Variants in PTPRU observed in about 807,000 individuals in gnomAD.
PTPRU encodes protein tyrosine phosphatase receptor type U, also known as receptor-type tyrosine-protein phosphatase U.
Under a neutral mutation model 166.3 loss-of-function variants are expected in PTPRU, and 69 were observed. That is an observed-to-expected ratio of 0.41 (90% CI 0.34 to 0.51). The LOEUF is 0.51. Among genes scored for constraint, PTPRU ranks in the 20% least tolerant of loss-of-function variants. The pLI, the probability that PTPRU is intolerant of heterozygous loss-of-function variation, is 0.09. For missense variants in PTPRU, 1,657 were observed against 2,013.7 expected, an observed-to-expected ratio of 0.82 and a Z score of 3.39; for synonymous variants, 793 against 814.0, an observed-to-expected ratio of 0.97 and a Z score of 0.44.
chr1:29,257,501 C>T lies in PTPRU; in HGVS notation c.206-1004C>T, dbSNP rs1483416341. On this transcript the variant is annotated intron_variant, in intron 2 of 29. Coordinates refer to ENST00000373779, the MANE Select transcript of PTPRU (RefSeq NM_133178.4). The surrounding 1 kb of genome is among the most constrained non-coding windows in gnomAD (Gnocchi z 4.6). ...GGTTTCGGGTGCCCTTTGGGAAGCC[C>T]AAATCCCCCCGCCAGGTCCTGAGCC... Among the ~76,000 whole-genome samples the T allele has an allele frequency of 6.6e-6, 1 of 152,120 alleles. No individual in the cohort carries two copies. Among genetic ancestry groups the T allele is most frequent in the African/African-American group, 2.4e-5 (1 of 41,412 alleles).
At chr1:29,310,205 G>A (rs1687583338) in intron 18 of PTPRU, among the ~76,000 whole-genome samples, 1 of 152,154 alleles carries the variant, frequency 6.6e-6, no homozygotes, top group Non-Finnish European at 1.5e-5. Context: ...TAATGTCTGT[G>A]CCCATATACT....
At position 29,260,816 on chromosome 1, in the gene PTPRU, T is replaced by C; in HGVS notation, c.1057T>C (p.Tyr353His). 1 of 1,612,162 alleles carries C rather than the reference T, an allele frequency of 6.2e-7. No homozygotes were observed. Among genetic ancestry groups the C allele is most frequent in the East Asian group, 2.2e-5 (1 of 44,686 alleles). The stretch of plus-strand genomic sequence containing the variant: ...GTGGCACCTCGACCCCGACACAGAG[T>C]ATGAGATCAGCGTGCTGCTCACGCG... ...KLWHLDPDTE[Y>H]EISVLLTRPG... is the part of the protein sequence containing the mutation. Residue 353 changes from tyrosine to histidine, a missense_variant, in exon 7 of 30, where the codon TAT (tyrosine) becomes CAT (histidine). Physicochemically the swap from Tyr to His is moderately conservative, Grantham distance 83. Transcript: ENST00000373779. The surrounding 1 kb of genome is among the most constrained non-coding windows in gnomAD (Gnocchi z 8.3).
chr1:29,260,513 G>A lies in PTPRU; in HGVS notation c.851-97G>A, dbSNP rs1685007129. 1 of 942,478 alleles carries A rather than the reference G, an allele frequency of 1.1e-6. No individual in the cohort carries two copies. The highest frequency in any genetic ancestry group is 3.1e-5 in the East Asian group (1 of 32,440). The allele number at this position is 942,478 out of a possible 1,614,324, so 58.4% of individuals were successfully genotyped here. A position where few individuals can be genotyped will look rare whatever the true frequency, so the allele number is the denominator to read the frequency against. ...GGTAGCAGCGTGAGAGGCCCTAGGA[G>A]GACGGAGAGGGATTTGGGTGTGGTG... On this transcript the variant is annotated intron_variant, in intron 6 of 29. Coordinates refer to ENST00000373779, the MANE Select transcript of PTPRU (RefSeq NM_133178.4). The surrounding 1 kb of genome is among the most constrained non-coding windows in gnomAD (Gnocchi z 8.3).
At chr1:29,264,879 T>TGCCAA (rs1452620412) in intron 7 of PTPRU, among the ~76,000 whole-genome samples, 6 of 152,338 alleles carry the variant, frequency 3.9e-5, no homozygotes, top group South Asian at 4.1e-4. Flanking sequence ...CTGGAATTGG[T>TGCCAA]TTCTTTCATT....
Position 29,280,179 on chromosome 1 carries a change from C to T in PTPRU, c.1868+38C>T, listed in dbSNP as rs1574654902. The T allele has an allele frequency of 6.4e-7, 1 of 1,557,026 alleles. No homozygotes were observed. The highest frequency in any genetic ancestry group is 2.2e-5 in the East Asian group (1 of 44,616). On this transcript the variant is annotated intron_variant, in intron 11 of 29. Coordinates refer to ENST00000373779, the MANE Select transcript of PTPRU (RefSeq NM_133178.4). The surrounding 1 kb of genome is among the most constrained non-coding windows in gnomAD (Gnocchi z 4.2). ...GGACGGAGGGGTGGGAGTCCAGGGCCTTAGGAAAGAGGCCCCTCCTCTGAC... is the reference window on the plus strand; with the variant it reads ...GGACGGAGGGGTGGGAGTCCAGGGCTTTAGGAAAGAGGCCCCTCCTCTGAC...
chr1:29,281,412 T>A (rs1017546273), intron 11 of PTPRU, among the ~76,000 whole-genome samples: 1 of 152,040 alleles, frequency 6.6e-6, no homozygotes. Context: ...TCTTGAGGGA[T>A]CCTGTGAGCA....
chr1:29,306,133 G>A (rs1286782514), intron 18 of PTPRU, among the ~76,000 whole-genome samples: 1 of 152,206 alleles, frequency 6.6e-6, no homozygotes, highest in African/African-American at 2.4e-5. Context: ...GCTGCTGTGA[G>A]GCTGTCCTGC....
chr1:29,273,790 C>T (rs1210488454), intron 7 of PTPRU, among the ~76,000 whole-genome samples: 4 of 152,106 alleles, frequency 2.6e-5, no homozygotes, highest in Non-Finnish European at 5.9e-5. Flanking sequence ...CTCCCTTCTG[C>T]TGGGGTAGCT....
Position 29,320,949 on chromosome 1 carries a change from T to G in PTPRU, c.3828+124T>G. The G allele has an allele frequency of 9.1e-7, 1 of 1,102,734 alleles. No homozygotes were observed. Among genetic ancestry groups the G allele is most frequent in the Non-Finnish European group, 1.2e-6 (1 of 819,400 alleles). The allele number at this position is 1,102,734 out of a possible 1,614,324, so 68.3% of individuals were successfully genotyped here. ...TGCCATCTATTTATTGTGTGATGAA[T>G]CATACACCTTCCCAGAGCCTCAGTT... is the stretch of plus-strand genomic sequence containing the variant. On this transcript the variant is annotated intron_variant, in intron 26 of 29. Coordinates refer to ENST00000373779, the MANE Select transcript of PTPRU (RefSeq NM_133178.4). This position sits in a 1 kb window ranked among gnomAD's most constrained non-coding sequence, Gnocchi z 5.2.
intron 1 of PTPRU, among the ~76,000 whole-genome samples, chr1:29,248,464 A>G (rs1432107195): frequency 1.3e-5 from 2 of 152,126 alleles, no homozygotes; most frequent in Non-Finnish European, 2.9e-5. Context: ...ACAACTGGGC[A>G]TGTACCTGGG....
chr1:29,318,683 A>T (rs1688008714), intron 25 of PTPRU, among the ~76,000 whole-genome samples: 1 of 152,176 alleles, frequency 6.6e-6, no homozygotes, highest in Non-Finnish European at 1.5e-5. Flanking sequence ...CCCCTCCCCG[A>T]TATAGCCGTG....
intron 15 of PTPRU, among the ~76,000 whole-genome samples, chr1:29,297,607 G>T (rs138663136): frequency 6.6e-6 from 1 of 152,338 alleles, no homozygotes; most frequent in Non-Finnish European, 1.5e-5. Flanking sequence ...GTGGTGATAG[G>T]CATGGGAGGA....
At position 29,241,775 on chromosome 1, in the gene PTPRU, A is replaced by G. The variant is rs571923691; in HGVS notation, c.73+5058A>G. Among the ~76,000 whole-genome samples, 14 of 150,104 alleles carry G rather than the reference A, an allele frequency of 9.3e-5. No homozygotes were observed. In the South Asian group the frequency reaches 2.3e-3, roughly 25 times the overall value. ...ATGCCTGGCTAATTTTTGTATTTTTAGTAGAGACTGGGTTTCGTCATGTTG... is the reference window on the plus strand; with the variant it reads ...ATGCCTGGCTAATTTTTGTATTTTTGGTAGAGACTGGGTTTCGTCATGTTG... On this transcript the variant is annotated intron_variant, in intron 1 of 29. Coordinates refer to ENST00000373779, the MANE Select transcript of PTPRU (RefSeq NM_133178.4).
At position 29,283,770 on chromosome 1, in the gene PTPRU, C is replaced by T. The variant is rs1209818877; in HGVS notation, c.2143-170C>T. Reference sequence around the variant, plus strand: ...GCACTGCAGGTGCCTCCCCTCTAGGCCCCGCTCTCAAGGGTCCCCCCAGGC... The same window carrying T: ...GCACTGCAGGTGCCTCCCCTCTAGGTCCCGCTCTCAAGGGTCCCCCCAGGC... On this transcript the variant is annotated intron_variant, in intron 12 of 29. Coordinates refer to ENST00000373779, the MANE Select transcript of PTPRU (RefSeq NM_133178.4). 5.5e-6 allele frequency: 4 copies of T among 733,726 alleles called. No individual in the cohort carries two copies. In the African/African-American group the frequency reaches 7.0e-5, roughly 13 times the overall value. The allele number at this position is 733,726 out of a possible 1,614,324, so 45.5% of individuals were successfully genotyped here.
In PTPRU at chr1:29,311,788, A is replaced by AG. The variant is rs141307844; in HGVS notation, c.3072+30dup. On this transcript the variant is annotated intron_variant, in intron 21 of 29. Coordinates refer to ENST00000373779, the MANE Select transcript of PTPRU (RefSeq NM_133178.4). This position sits in a 1 kb window ranked among gnomAD's most constrained non-coding sequence, Gnocchi z 4.1. ...AGTCTCCCCACCGCCTGTTCCCTGC[A>AG]GAGGGTGCCTGAGCAGGGATTAGAG... The AG allele has an allele frequency of 1.2e-3, 1,906 of 1,594,464 alleles. 25 individuals carry two copies. In the African/African-American group the frequency reaches 0.021, roughly 18 times the overall value.
At chr1:29,249,163 C>CAT (rs68173010) in intron 1 of PTPRU, among the ~76,000 whole-genome samples, 1 of 151,622 alleles carries the variant, frequency 6.6e-6, no homozygotes, top group Non-Finnish European at 1.5e-5. Flanking sequence ...CGTGTGCACA[C>CAT]ACACACACGC....
chr1:29,325,185 A>T lies in PTPRU; in HGVS notation c.4113-6A>T, dbSNP rs1238272967. The T allele has an allele frequency of 6.2e-6, 10 of 1,613,744 alleles. No homozygotes were observed. The highest frequency in any genetic ancestry group is 7.6e-6 in the Non-Finnish European group (9 of 1,179,972). On this transcript the variant is annotated splice_polypyrimidine_tract_variant and splice_region_variant and intron_variant, in intron 28 of 29. Coordinates refer to ENST00000373779, the MANE Select transcript of PTPRU (RefSeq NM_133178.4). ...CCGCCCCTCAGCTTTTGCATCTCTCATTCAGAAACGGGGGAGGACGCAGCG... is the reference window on the plus strand; with the variant it reads ...CCGCCCCTCAGCTTTTGCATCTCTCTTTCAGAAACGGGGGAGGACGCAGCG...
rs1319164970 is a variant in PTPRU, at chr1:29,280,305, A to G, written c.1868+164A>G. ...GATTGTTCTGTGATGCTTGGCAGGC[A>G]AGAAGCCTGCAGTCCCTCCCCTCTG... On this transcript the variant is annotated intron_variant, in intron 11 of 29. Coordinates refer to ENST00000373779, the MANE Select transcript of PTPRU (RefSeq NM_133178.4). The surrounding 1 kb of genome is among the most constrained non-coding windows in gnomAD (Gnocchi z 4.2). Among the ~76,000 whole-genome samples, 2 of 152,192 alleles carry G rather than the reference A, an allele frequency of 1.3e-5. No homozygotes were observed. The highest frequency in any genetic ancestry group is 2.9e-5 in the Non-Finnish European group (2 of 68,012).
Position 29,269,239 on chromosome 1 carries a change from TATATA to T in PTPRU, c.1145-6208_1145-6204del, listed in dbSNP as rs1171933797. Among the ~76,000 whole-genome samples, 165 of 48,682 alleles carry T rather than the reference TATATA, an allele frequency of 3.4e-3. 1 individual carries two copies. The highest frequency in any genetic ancestry group is 4.3e-3 in the Admixed American group (14 of 3,264). 31.9% of individuals were successfully genotyped at this position (48,682 alleles called of 152,430 possible). ...ATATACATATATATATATATATATA[TATATA>T]TATTTTTTTTTTTTTTTTTTTTTTT... On this transcript the variant is annotated intron_variant, in intron 7 of 29. Transcript: ENST00000373779.
Sources: allele counts gnomAD v4.1 joint callset (sites outside exome capture counted in the v4.1 genomes callset), GRCh38; gene constraint gnomAD v4.1.1; non-coding constraint Gnocchi (gnomAD v3.1); transcripts MANE v1.5; gene names NCBI Gene and HGNC (gene_info 2026-07-23, HGNC 2026-07-21).